MICAL3: variants seen among roughly 807,000 people sequenced by gnomAD.
MICAL3 encodes [F-actin]-monooxygenase MICAL3.
A neutral mutation model predicts 207.4 loss-of-function variants in MICAL3; 62 were observed. That is an observed-to-expected ratio of 0.30 (90% CI 0.24 to 0.37). The LOEUF (loss-of-function observed/expected upper bound fraction) is 0.37, where lower values mean the gene tolerates loss of function less well. Ranked by LOEUF, MICAL3 falls within the 10% of genes least tolerant of loss-of-function variation. The pLI is 1.00. For synonymous variants in MICAL3, 1,077 were observed against 1,069.3 expected (o/e 1.01, Z -0.14); for missense variants, 2,368 against 2,635.6 (o/e 0.90, Z 2.22).
chr22:17,974,843 T>C (rs1002416352), intron 1 of MICAL3, among the ~76,000 whole-genome samples: 3 of 152,186 alleles, frequency 2.0e-5, no homozygotes, highest in African/African-American at 7.2e-5. Flanking sequence ...GCTGTTCTCT[T>C]GAACTTTACA....
chr22:17,889,229 C>T lies in MICAL3; in HGVS notation c.1696G>A (p.Asp566Asn), dbSNP rs1930193738. 1 of 1,607,954 alleles carries T rather than the reference C, an allele frequency of 6.2e-7. No individual in the cohort carries two copies. The highest frequency in any genetic ancestry group is 1.7e-5 in the Admixed American group (1 of 59,926). ...TTTTGCTCATCCAAAGAATCAAAATCTCTGAGAAACAGGACAAGGAAAACA... is the reference window on the plus strand; with the variant it reads ...TTTTGCTCATCCAAAGAATCAAAATTTCTGAGAAACAGGACAAGGAAAACA... ...IIHRYRPDLI[D>N]FDSLDEQNVE... Residue 566 changes from aspartate (D) to asparagine (N), a missense_variant and splice_region_variant, in exon 13 of 32, where the codon GAT (aspartate) becomes AAT (asparagine). Coordinates refer to ENST00000441493, the MANE Select transcript of MICAL3 (RefSeq NM_015241.3).
chr22:17,982,218 A>C (rs1015536293), intron 1 of MICAL3, among the ~76,000 whole-genome samples: 4 of 152,216 alleles, frequency 2.6e-5, no homozygotes, highest in African/African-American at 4.8e-5. Context: ...GCACTTGTGG[A>C]AACACAGCAC....
chr22:17,847,266 C>G (rs2146089023), intron 19 of MICAL3, among the ~76,000 whole-genome samples: 1 of 152,376 alleles, frequency 6.6e-6, no homozygotes, highest in South Asian at 2.1e-4. Context: ...CTGCCTCTTT[C>G]TGGCCTGTCC....
At chr22:17,905,803 A>G (rs1931670630) in intron 2 of MICAL3, among the ~76,000 whole-genome samples, 1 of 152,218 alleles carries the variant, frequency 6.6e-6, no homozygotes, top group African/African-American at 2.4e-5. Flanking sequence ...CGACAAAGGC[A>G]AGTGCATAAC....
At chr22:17,956,693 A>C (rs1290065803) in intron 1 of MICAL3, among the ~76,000 whole-genome samples, 1 of 152,192 alleles carries the variant, frequency 6.6e-6, no homozygotes, top group Admixed American at 6.5e-5. Context: ...CCGAGAAAAG[A>C]AGAGCAAAGG....
rs542988623 is a variant in MICAL3 at position 17,793,279 on chromosome 22, G to A, written c.5651-1978C>T. Among the ~76,000 whole-genome samples the A allele has an allele frequency of 5.3e-5, 8 of 152,278 alleles. No homozygotes were observed. The South Asian group carries it at 8.3e-4, about 16-fold the overall frequency. ...AAAACACGCACACTCAGCAAGACAC[G>A]AGGTAGAGAGGTTTGCTTTCAGTGG... On this transcript the variant is annotated intron_variant, in intron 29 of 31. Transcript: ENST00000441493. The surrounding 1 kb of genome is among the most constrained non-coding windows in gnomAD (Gnocchi z 4.1).
At chr22:17,859,831 C>T (rs904494476) in intron 19 of MICAL3, among the ~76,000 whole-genome samples, 63 of 152,252 alleles carry the variant, frequency 4.1e-4, no homozygotes, top group African/African-American at 1.4e-3. Context: ...TCCATCCGCC[C>T]AGCCTGCGGG....
chr22:18,011,931 A>C (rs949072436), intron 1 of MICAL3, among the ~76,000 whole-genome samples: 8 of 149,620 alleles, frequency 5.3e-5, no homozygotes, highest in African/African-American at 2.0e-4. Context: ...AATAATAAAA[A>C]ATTTTTTAAA....
chr22:17,817,633 C>G lies in MICAL3; in HGVS notation c.5028G>C (p.Pro1676=). The change falls in exon 26 of 32, where the codon CCG becomes CCC. Residue 1676 remains proline, a synonymous_variant. Transcript: ENST00000441493. Reference sequence around the variant, plus strand: ...AGCCATCTGGGCCCCCTGAGTCCGACGGCGGGGAGAGGACCTCCTCGCTGG... The same window carrying G: ...AGCCATCTGGGCCCCCTGAGTCCGAGGGCGGGGAGAGGACCTCCTCGCTGG... ...EATSEEVLSP[P]SDSGGPDGSF... is the part of the protein sequence containing the mutation. 6.2e-7 allele frequency: 1 copy of G among 1,613,034 alleles called. No individual in the cohort carries two copies. Among genetic ancestry groups the G allele is most frequent in the Non-Finnish European group, 8.5e-7 (1 of 1,179,844 alleles).
rs953176345 is a variant in MICAL3, at chr22:17,897,405, AGAGT to A, written c.949-428_949-425del. On this transcript the variant is annotated intron_variant, in intron 7 of 31. Transcript: ENST00000441493. Reference sequence around the variant, plus strand: ...ACCACTGCACTCCAGCCTAGGTGACAGAGTGAGACTCCAACTCAAAAAAAAAAAA... The same window carrying A: ...ACCACTGCACTCCAGCCTAGGTGACAGAGACTCCAACTCAAAAAAAAAAAA... 1.6e-4 allele frequency among the ~76,000 whole-genome samples: 21 copies of A among 132,860 alleles called. 1 individual carries two copies. Among genetic ancestry groups the A allele is most frequent in the Admixed American group, 2.6e-4 (3 of 11,548 alleles). The allele number at this position is 132,860 out of a possible 152,430, so 87.2% of individuals were successfully genotyped here.
At position 17,791,306 on chromosome 22, in the gene MICAL3, C is replaced by A. The variant is rs770450522; in HGVS notation, c.5651-5G>T. On this transcript the variant is annotated splice_region_variant and splice_polypyrimidine_tract_variant and intron_variant, in intron 29 of 31. Transcript: ENST00000441493. ...GGTCGTCCTTCTTGCCCATGCCTGC[C>A]GAGAGAACGCTTGTGTCGGGTGCAG... The A allele has an allele frequency of 2.5e-6, 4 of 1,611,714 alleles. No individual in the cohort carries two copies. The East Asian group carries it at 6.7e-5, about 27-fold the overall frequency.
intron 2 of MICAL3, among the ~76,000 whole-genome samples, chr22:17,906,091 G>A (rs186138097): frequency 6.6e-6 from 1 of 152,310 alleles, no homozygotes; most frequent in African/African-American, 2.4e-5. Context: ...CTATGTCCCT[G>A]CTAAGTGACC....
At chr22:17,807,293 G>A (rs1012405760) in intron 29 of MICAL3, among the ~76,000 whole-genome samples, 2 of 152,208 alleles carry the variant, frequency 1.3e-5, no homozygotes, top group Admixed American at 6.5e-5. Context: ...CTCCATCTGG[G>A]CTCAGGCTTA....
intron 2 of MICAL3, among the ~76,000 whole-genome samples, 169 bp downstream of exon 2, chr22:17,906,380 T>G (rs1169492527): frequency 6.6e-6 from 1 of 152,174 alleles, no homozygotes; most frequent in Non-Finnish European, 1.5e-5. Context: ...TCAATCCTCC[T>G]CTTTGGCACC....
At chr22:17,866,254 T>G (rs1318844166) in intron 17 of MICAL3, among the ~76,000 whole-genome samples, 2 of 152,210 alleles carry the variant, frequency 1.3e-5, no homozygotes, top group Non-Finnish European at 2.9e-5. Flanking sequence ...TGAAGGCCAT[T>G]GAGCCATCAC....
intron 24 of MICAL3, 67 bp downstream of exon 24, chr22:17,821,963 A>G: frequency 5.1e-6 from 8 of 1,577,614 alleles, no homozygotes; most frequent in Non-Finnish European, 6.9e-6. Context: ...CCCCTGAGCC[A>G]CTCTTGTGTG....
intron 1 of MICAL3, among the ~76,000 whole-genome samples, chr22:17,911,442 G>A (rs562861084): frequency 9.2e-5 from 14 of 152,110 alleles, no homozygotes; most frequent in Admixed American, 5.9e-4. Flanking sequence ...ACACACCAGC[G>A]AACGTGCAAA....
At chr22:17,940,448 T>A (rs919276955) in intron 1 of MICAL3, among the ~76,000 whole-genome samples, 3 of 151,864 alleles carry the variant, frequency 2.0e-5, no homozygotes, top group African/African-American at 4.8e-5. Context: ...AAAGAAGGAA[T>A]AAGAAAACTG....
intron 19 of MICAL3, among the ~76,000 whole-genome samples, chr22:17,857,999 A>C (rs577195821): frequency 1.3e-5 from 2 of 152,300 alleles, no homozygotes; most frequent in East Asian, 3.9e-4. Flanking sequence ...AATATTCAGA[A>C]AGTGTTCATA....
Sources: allele counts gnomAD v4.1 joint callset (sites outside exome capture counted in the v4.1 genomes callset), GRCh38; gene constraint gnomAD v4.1.1; non-coding constraint Gnocchi (gnomAD v3.1); transcripts MANE v1.5; gene names NCBI Gene and HGNC (gene_info 2026-07-23, HGNC 2026-07-21).